The following RPRD2 variants were observed in gnomAD, a reference collection of about 807,000 sequenced individuals.
The protein encoded by RPRD2 is regulation of nuclear pre-mRNA domain containing 2.
A neutral mutation model predicts 104.4 loss-of-function variants in RPRD2; 12 were observed. The observed-to-expected ratio is 0.11, with a 90% CI of 0.07 to 0.19. The LOEUF is 0.19. RPRD2 is among the 10% of genes least tolerant of loss of function. RPRD2 has a pLI of 1.00. For missense variants in RPRD2, 1,543 were observed against 1,790.1 expected (o/e 0.86, Z 2.49); for synonymous variants, 714 against 684.9 (o/e 1.04, Z -0.66).
At chr1:150,459,685 T>G (rs1441823201) in intron 8 of RPRD2, among the ~76,000 whole-genome samples, 1 of 151,364 alleles carries the variant, frequency 6.6e-6, no homozygotes. Flanking sequence ...CTCTGCCTCC[T>G]GGGTTCAAGC....
At chr1:150,404,914 A>G (rs2102233506) in intron 1 of RPRD2, among the ~76,000 whole-genome samples, 1 of 152,328 alleles carries the variant, frequency 6.6e-6, no homozygotes, top group South Asian at 2.1e-4. Flanking sequence ...TTCAGTGCTT[A>G]TTAGTCCCTT....
intron 1 of RPRD2, among the ~76,000 whole-genome samples, chr1:150,399,706 G>A (rs1553884938): frequency 6.6e-6 from 1 of 150,784 alleles, no homozygotes; most frequent in African/African-American, 2.4e-5. Context: ...GCGGTGAGCA[G>A]AGATCACGCC....
intron 2 of RPRD2, among the ~76,000 whole-genome samples, chr1:150,437,655 C>T (rs587644615): frequency 6.6e-6 from 1 of 152,188 alleles, no homozygotes; most frequent in African/African-American, 2.4e-5. Flanking sequence ...TCAGGGCTCA[C>T]TGCAGACTCG....
At chr1:150,444,945 G>A (rs1161116387) in intron 6 of RPRD2, among the ~76,000 whole-genome samples, 3 of 152,168 alleles carry the variant, frequency 2.0e-5, no homozygotes, top group African/African-American at 7.2e-5. Flanking sequence ...TCAGCACTTT[G>A]GGAAGCCAGG....
intron 1 of RPRD2, among the ~76,000 whole-genome samples, chr1:150,396,294 C>T (rs973104793): frequency 2.3e-4 from 35 of 151,360 alleles, no homozygotes; most frequent in Non-Finnish European, 1.5e-5. Context: ...TTCTCCCACT[C>T]TGTGGATTGT....
intron 1 of RPRD2, among the ~76,000 whole-genome samples, chr1:150,399,652 G>A (rs1260390): frequency 0.13 from 20,171 of 151,720 alleles, 1,725 homozygotes; most frequent in Non-Finnish European, 0.19. Context: ...AGCTACTTGG[G>A]AGGCTGAGGC....
intron 1 of RPRD2, among the ~76,000 whole-genome samples, chr1:150,380,901 C>T (rs587621581): frequency 2.6e-5 from 4 of 151,382 alleles, no homozygotes; most frequent in Non-Finnish European, 5.9e-5. Flanking sequence ...GTGATCTGCC[C>T]GGCTTGGCCT....
At chr1:150,419,814 A>C (rs1664633394) in intron 2 of RPRD2, among the ~76,000 whole-genome samples, 3 of 152,100 alleles carry the variant, frequency 2.0e-5, no homozygotes, top group Admixed American at 2.0e-4. Context: ...TTTTTAGTAG[A>C]GACGGGTTTC....
Position 150,471,242 on chromosome 1 carries a change from G to A in RPRD2, c.2294G>A (p.Ser765Asn). The A allele has an allele frequency of 6.2e-7, 1 of 1,613,768 alleles. No individual in the cohort carries two copies. Among genetic ancestry groups the A allele is most frequent in the Non-Finnish European group, 8.5e-7 (1 of 1,179,840 alleles). ...ATTAGCCCTGGTTCCTCAACACCCA[G>A]CAGTACAAGATCACCACCCCCTGGG... ...KIISPGSSTP[S>N]STRSPPPGRD... Residue 765 changes from serine (S) to asparagine (N), a missense_variant, in exon 11 of 11, where the codon AGC (serine) becomes AAC (asparagine). Physicochemically the swap from Ser to Asn is conservative, Grantham distance 46 (BLOSUM62 1). Transcript: ENST00000369068. This position sits in a 1 kb window ranked among gnomAD's most constrained non-coding sequence, Gnocchi z 5.3.
intron 10 of RPRD2, among the ~76,000 whole-genome samples, chr1:150,468,215 C>A (rs921127548): frequency 1.3e-5 from 2 of 151,946 alleles, no homozygotes; most frequent in African/African-American, 4.8e-5. Context: ...TTTGGCTGGG[C>A]GCAGTGGCTC....
At chr1:150,456,851 G>C (rs1553897667) in intron 7 of RPRD2, among the ~76,000 whole-genome samples, 3 of 151,978 alleles carry the variant, frequency 2.0e-5, no homozygotes, top group African/African-American at 7.3e-5. Flanking sequence ...CTTGAACCCA[G>C]GAGGCAGAGG....
intron 1 of RPRD2, among the ~76,000 whole-genome samples, chr1:150,398,384 G>A (rs1194555474): frequency 6.6e-6 from 1 of 151,898 alleles, no homozygotes; most frequent in Non-Finnish European, 1.5e-5. Flanking sequence ...TTTTAGTAGA[G>A]ACGGGGTTTC....
At chr1:150,382,887 C>T (rs1016111332) in intron 1 of RPRD2, among the ~76,000 whole-genome samples, 22 of 151,632 alleles carry the variant, frequency 1.5e-4, no homozygotes, top group African/African-American at 5.3e-4. Flanking sequence ...GGTTTCACCA[C>T]GTTGCCCAGG....
At chr1:150,399,164 G>A (rs1005673610) in intron 1 of RPRD2, among the ~76,000 whole-genome samples, 6 of 151,714 alleles carry the variant, frequency 4.0e-5, no homozygotes, top group Admixed American at 1.3e-4. Context: ...TCCTCACCTC[G>A]GTTATCTTTT....
intron 10 of RPRD2, among the ~76,000 whole-genome samples, chr1:150,466,909 C>T (rs1181561649): frequency 1.3e-5 from 2 of 152,160 alleles, no homozygotes; most frequent in African/African-American, 4.8e-5. Context: ...GTAGTCTCAA[C>T]CAAAGGCCTC....
chr1:150,465,384 C>T (rs1047477309), intron 10 of RPRD2, among the ~76,000 whole-genome samples: 9 of 152,306 alleles, frequency 5.9e-5, no homozygotes, highest in African/African-American at 2.2e-4. Context: ...TCCCAAAGTG[C>T]TAGGATTACA....
Position 150,472,132 on chromosome 1 carries a change from C to T in RPRD2, c.3184C>T (p.Arg1062Cys), listed in dbSNP as rs1035035527. ...TDQQQQEEHY[R>C]IETRVSSSCL... ...TCAGCAGCAACAAGAAGAGCACTAC[C>T]GCATAGAAACCCGCGTCTCCTCCTC... Residue 1062 changes from arginine to cysteine, a missense_variant, in exon 11 of 11, where the codon CGC becomes TGC. Coordinates refer to ENST00000369068, the MANE Select transcript of RPRD2 (RefSeq NM_015203.5). 12 of 1,613,830 alleles carry T rather than the reference C, an allele frequency of 7.4e-6. No individual in the cohort carries two copies. The highest frequency in any genetic ancestry group is 1.7e-5 in the Admixed American group (1 of 60,020).
chr1:150,442,086 C>G, intron 4 of RPRD2, 128 bp downstream of exon 4: 1 of 612,534 alleles, frequency 1.6e-6, no homozygotes, highest in Non-Finnish European at 2.8e-6. Context: ...TGGGAGGCTC[C>G]CAGTGACCTA....
chr1:150,458,072 G>C (rs1667661884), intron 8 of RPRD2, among the ~76,000 whole-genome samples: 1 of 151,904 alleles, frequency 6.6e-6, no homozygotes, highest in Admixed American at 6.6e-5. Context: ...CCGTCTTGGG[G>C]GGACGGTCGG....
Sources: gnomAD v4.1 joint callset for allele counts (sites outside exome capture counted in the v4.1 genomes callset) on GRCh38, gnomAD v4.1.1 for gene constraint, Gnocchi (gnomAD v3.1) non-coding constraint, MANE v1.5 for transcripts, NCBI Gene and HGNC (gene_info 2026-07-23, HGNC 2026-07-21) for gene names.